BCL7A: variants seen among roughly 807,000 people sequenced by gnomAD.
The protein encoded by BCL7A is BAF chromatin remodeling complex subunit BCL7A.
BCL7A carries 11 observed loss-of-function variants against 28.4 expected under a neutral mutation model. That is an observed-to-expected ratio of 0.39 (90% CI 0.24 to 0.64). The LOEUF (loss-of-function observed/expected upper bound fraction) is 0.64, where lower values mean the gene tolerates loss of function less well. Ranked by LOEUF, BCL7A falls within the 30% of genes least tolerant of loss-of-function variation. BCL7A has a pLI of 0.50. For missense variants in BCL7A, 222 were observed against 274.8 expected (o/e 0.81, Z 1.36); for synonymous variants, 123 against 103.3 (o/e 1.19, Z -1.15).
intron 1 of BCL7A, among the ~76,000 whole-genome samples, chr12:122,022,476 C>T (rs1466515625): frequency 6.9e-6 from 1 of 145,580 alleles, no homozygotes; most frequent in Admixed American, 6.8e-5. Context: ...GGGGCGGCCC[C>T]CGCCGCGGCG....
intron 4 of BCL7A, among the ~76,000 whole-genome samples, chr12:122,044,898 G>A (rs1593031664): frequency 6.6e-6 from 1 of 152,142 alleles, no homozygotes; most frequent in Non-Finnish European, 1.5e-5. Context: ...AGATAAGTGT[G>A]GCAGAGAATT....
rs184342659 is a variant in BCL7A, at chr12:122,045,822, C to T, written c.439+1769C>T. Among the ~76,000 whole-genome samples, 66 of 152,020 alleles carry T rather than the reference C, an allele frequency of 4.3e-4. 1 individual carries two copies. The highest frequency in any genetic ancestry group is 1.8e-3 in the Admixed American group (28 of 15,252). ...AGACATTCTGGGCTGGGCACAGTAGCTTATGCTTATAATCTCAGCACTTTG... is the reference window on the plus strand; with the variant it reads ...AGACATTCTGGGCTGGGCACAGTAGTTTATGCTTATAATCTCAGCACTTTG... On this transcript the variant is annotated intron_variant, in intron 4 of 5. Coordinates refer to ENST00000261822, the MANE Select transcript of BCL7A (RefSeq NM_001024808.3).
At chr12:122,028,985 T>C (rs1455079463) in intron 1 of BCL7A, among the ~76,000 whole-genome samples, 1 of 152,156 alleles carries the variant, frequency 6.6e-6, no homozygotes, top group Non-Finnish European at 1.5e-5. Flanking sequence ...GACGGGCCAG[T>C]GGACTTAGAC....
At chr12:122,034,783 C>T (rs1883816716) in intron 2 of BCL7A, among the ~76,000 whole-genome samples, 1 of 152,032 alleles carries the variant, frequency 6.6e-6, no homozygotes, top group African/African-American at 2.4e-5. Context: ...GAAAAGCATC[C>T]CCATCCTCCC....
intron 2 of BCL7A, 66 bp from the exon 3 acceptor site, chr12:122,035,265 G>T (rs1298742347): frequency 7.1e-7 from 1 of 1,416,714 alleles, no homozygotes; most frequent in Non-Finnish European, 1.0e-6. Context: ...CTCCCCAGGG[G>T]CTCTGAGCAC....
At chr12:122,023,416 C>T (rs1483585334) in intron 1 of BCL7A, among the ~76,000 whole-genome samples, 2 of 152,090 alleles carry the variant, frequency 1.3e-5, no homozygotes, top group East Asian at 1.9e-4. Context: ...TCTCGAGTAG[C>T]GCCTCGGTCT....
At chr12:122,044,748 C>T (rs1884036758) in intron 4 of BCL7A, among the ~76,000 whole-genome samples, 1 of 151,042 alleles carries the variant, frequency 6.6e-6, no homozygotes, top group Admixed American at 6.6e-5. Context: ...ATCCCTTGAG[C>T]TCAGGAGTTG....
In BCL7A at chr12:122,029,973, T is replaced by A. The variant is rs1459729288; in HGVS notation, c.93-727T>A. On this transcript the variant is annotated intron_variant, in intron 1 of 5. Transcript: ENST00000261822. The surrounding 1 kb of genome is among the most constrained non-coding windows in gnomAD (Gnocchi z 4.3). ...TGGCTTGTAAGTTTCTCCTCATCCA[T>A]AAACCTGCCTCTCACAGTGGGGGGT... Among the ~76,000 whole-genome samples, 1 of 152,092 alleles carries A rather than the reference T, an allele frequency of 6.6e-6. No homozygotes were observed. The highest frequency in any genetic ancestry group is 6.5e-5 in the Admixed American group (1 of 15,286).
chr12:122,052,092 C>T (rs1456703865), intron 4 of BCL7A, among the ~76,000 whole-genome samples: 2 of 151,928 alleles, frequency 1.3e-5, no homozygotes, highest in African/African-American at 4.8e-5. Flanking sequence ...CCAGGCTGGT[C>T]TTGAACTCTT....
chr12:122,036,597 C>G (rs1392358519), intron 3 of BCL7A, among the ~76,000 whole-genome samples: 1 of 152,122 alleles, frequency 6.6e-6, no homozygotes, highest in African/African-American at 2.4e-5. Context: ...CCCACGTAAC[C>G]ACCCAGGTCA....
chr12:122,051,724 G>C (rs1311013122), intron 4 of BCL7A, among the ~76,000 whole-genome samples: 1 of 152,184 alleles, frequency 6.6e-6, no homozygotes, highest in Non-Finnish European at 1.5e-5. Context: ...TGCAGAGCCT[G>C]CTGTGCCCGG....
chr12:122,042,355 A>G (rs1178958357), intron 3 of BCL7A, among the ~76,000 whole-genome samples: 1 of 152,088 alleles, frequency 6.6e-6, no homozygotes, highest in Non-Finnish European at 1.5e-5. Context: ...ATTCACATAT[A>G]AAAAATACAC....
rs1274889329 is a variant in BCL7A, at chr12:122,060,770, G to A, written c.*1607G>A. The stretch of plus-strand genomic sequence containing the variant: ...GTCTGCTGGATTCCATTTTCTAAGA[G>A]TTTCTGAGGGTGAGGCTCTTATTTT... On this transcript the variant is annotated 3_prime_UTR_variant, in exon 6 of 6. Coordinates refer to ENST00000261822, the MANE Select transcript of BCL7A (RefSeq NM_001024808.3). 8.7e-6 allele frequency: 2 copies of A among 229,116 alleles called. No individual in the cohort carries two copies. The highest frequency in any genetic ancestry group is 4.5e-5 in the African/African-American group (2 of 44,556). 14.2% of individuals were successfully genotyped at this position (229,116 alleles called of 1,614,324 possible).
At chr12:122,031,944 C>T (rs1883754248) in intron 2 of BCL7A, among the ~76,000 whole-genome samples, 1 of 152,224 alleles carries the variant, frequency 6.6e-6, no homozygotes, top group Non-Finnish European at 1.5e-5. Context: ...TTTGCCTGGG[C>T]CATTCCCCCC....
chr12:122,024,436 G>C (rs1459723914), intron 1 of BCL7A, among the ~76,000 whole-genome samples: 6 of 148,392 alleles, frequency 4.0e-5, no homozygotes, highest in African/African-American at 1.5e-4. Flanking sequence ...GGTGGACTTT[G>C]TAGAAACTTG....
intron 5 of BCL7A, among the ~76,000 whole-genome samples, chr12:122,056,420 C>T (rs1951878587): frequency 6.6e-6 from 1 of 152,152 alleles, no homozygotes; most frequent in Non-Finnish European, 1.5e-5. Flanking sequence ...TTCACAGGCA[C>T]ACCGACACAC....
chr12:122,038,242 G>A (rs1230866859), intron 3 of BCL7A, among the ~76,000 whole-genome samples: 1 of 151,232 alleles, frequency 6.6e-6, no homozygotes, highest in East Asian at 2.0e-4. Flanking sequence ...GACCAGCCTG[G>A]CCAACATGGC....
rs1951915733 is a variant in BCL7A at position 122,060,912 on chromosome 12, C to G, written c.*1749C>G. 2 of 223,198 alleles carry G rather than the reference C, an allele frequency of 9.0e-6. No individual in the cohort carries two copies. Among genetic ancestry groups the G allele is most frequent in the Non-Finnish European group, 1.8e-5 (2 of 112,126 alleles). The allele number at this position is 223,198 out of a possible 1,614,324, so 13.8% of individuals were successfully genotyped here. A position where few individuals can be genotyped will look rare whatever the true frequency, so the allele number is the denominator to read the frequency against. On this transcript the variant is annotated 3_prime_UTR_variant, in exon 6 of 6. Transcript: ENST00000261822. Reference sequence around the variant, plus strand: ...ATAAGGGAAAAAAAAAAAACCACAACTTTGAAAATCTTAATGTTGAAGTTA... The same window carrying G: ...ATAAGGGAAAAAAAAAAAACCACAAGTTTGAAAATCTTAATGTTGAAGTTA...
chr12:122,049,750 A>T (rs957646111), intron 4 of BCL7A, among the ~76,000 whole-genome samples: 1 of 152,102 alleles, frequency 6.6e-6, no homozygotes, highest in Non-Finnish European at 1.5e-5. Flanking sequence ...TTGCACATGC[A>T]GTCCTGCGGG....
Sources: allele counts gnomAD v4.1 joint callset (sites outside exome capture counted in the v4.1 genomes callset), GRCh38; gene constraint gnomAD v4.1.1; non-coding constraint Gnocchi (gnomAD v3.1); transcripts MANE v1.5; gene names NCBI Gene and HGNC (gene_info 2026-07-23, HGNC 2026-07-21).